Variants in TOR4A observed in about 807,000 individuals in gnomAD.
TOR4A encodes torsin family 4 member A.
Under a neutral mutation model 11.5 loss-of-function variants are expected in TOR4A, and 12 were observed. That is an observed-to-expected ratio of 1.04 (90% CI 0.67 to 1.69). The LOEUF (loss-of-function observed/expected upper bound fraction) is 1.69. Among genes scored for constraint, TOR4A ranks in the 40% most tolerant of loss-of-function variants. TOR4A has a pLI of 0.00. For synonymous variants in TOR4A, 362 were observed against 307.4 expected (o/e 1.18, Z -1.86); for missense variants, 640 against 643.2 (o/e 0.99, Z 0.05).
rs969271496 is a variant in TOR4A at position 137,280,313 on chromosome 9, C to A, written c.*352C>A. The A allele has an allele frequency of 6.0e-6, 2 of 330,700 alleles. No individual in the cohort carries two copies. The highest frequency in any genetic ancestry group is 1.2e-5 in the Non-Finnish European group (2 of 170,740). 20.5% of individuals were successfully genotyped at this position (330,700 alleles called of 1,614,324 possible). A position where few individuals can be genotyped will look rare whatever the true frequency, so the allele number is the denominator to read the frequency against. Reference sequence around the variant, plus strand: ...CCGGGGTCACACAGCTGGGACGTGACCCCGCCTCTTGGGGGTGGTCGCGTG... The same window carrying A: ...CCGGGGTCACACAGCTGGGACGTGAACCCGCCTCTTGGGGGTGGTCGCGTG... On this transcript the variant is annotated 3_prime_UTR_variant, in exon 2 of 2. Coordinates refer to ENST00000357503, the MANE Select transcript of TOR4A (RefSeq NM_017723.3).
chr9:137,279,089 GT>G lies in TOR4A; in HGVS notation c.402del (p.Leu135SerfsTer40). On this transcript the variant is annotated frameshift_variant, in exon 2 of 2. Transcript: ENST00000357503. LOFTEE classifies it high-confidence loss of function. Reference sequence around the variant, plus strand: ...GCTAGTCGCCATCGTGGGCTTCCAAGTTCTCAACGCTATCGAGAACCTGGAC... The same window carrying G: ...GCTAGTCGCCATCGTGGGCTTCCAAGTCTCAACGCTATCGAGAACCTGGAC... ...LLLVAIVGFQ[V>X]LNAIENLDDN... 1.9e-6 allele frequency: 3 copies of G among 1,602,748 alleles called. No individual in the cohort carries two copies. The highest frequency in any genetic ancestry group is 2.6e-6 in the Non-Finnish European group (3 of 1,175,094).
Position 137,278,985 on chromosome 9 carries a change from T to A in TOR4A, c.296T>A (p.Leu99Gln), listed in dbSNP as rs1193474299. Reference protein sequence around the residue: ...TPRKKRRRSRLVLYPETSRKY... With the variant: ...TPRKKRRRSRQVLYPETSRKY... ...CGCAAGAAGCGCCGGCGCAGCCGCC[T>A]GGTGCTTTACCCGGAGACCTCGCGC... Residue 99 changes from leucine (L) to glutamine (Q), a missense_variant, in exon 2 of 2, where the codon CTG (leucine) becomes CAG (glutamine). Transcript: ENST00000357503. 1 of 1,606,796 alleles carries A rather than the reference T, an allele frequency of 6.2e-7. No individual in the cohort carries two copies. Among genetic ancestry groups the A allele is most frequent in the East Asian group, 2.2e-5 (1 of 44,572 alleles).
rs1473381141 is a variant in TOR4A at position 137,279,082 on chromosome 9, C to A, written c.393C>A (p.Gly131=). Residue 131 remains glycine, a synonymous_variant, in exon 2 of 2, where the codon GGC becomes GGA. Transcript: ENST00000357503. ...RCLLLLVAIV[G]FQVLNAIENL... is the part of the protein sequence containing the mutation. The stretch of plus-strand genomic sequence containing the variant: ...TTCTGCTGCTAGTCGCCATCGTGGG[C>A]TTCCAAGTTCTCAACGCTATCGAGA... The A allele has an allele frequency of 6.2e-7, 1 of 1,603,126 alleles. No homozygotes were observed. The highest frequency in any genetic ancestry group is 1.7e-4 in the Middle Eastern group (1 of 6,046).
chr9:137,278,446 TGCGGAGGG>T lies in TOR4A; in HGVS notation c.-37-181_-37-174del, dbSNP rs540538531. On this transcript the variant is annotated intron_variant, in intron 1 of 1. Transcript: ENST00000357503. Reference sequence around the variant, plus strand: ...ACCCGAGAGATTTGCATCGGGGCCCTGCGGAGGGGCGGAGGGGCGGAGGGGCGGAGGGG... The same window carrying T: ...ACCCGAGAGATTTGCATCGGGGCCCTGCGGAGGGGCGGAGGGGCGGAGGGG... Among the ~76,000 whole-genome samples, 960 of 147,166 alleles carry T rather than the reference TGCGGAGGG, an allele frequency of 6.5e-3. 13 individuals carry two copies. The highest frequency in any genetic ancestry group is 0.045 in the East Asian group (225 of 4,988).
Position 137,278,711 on chromosome 9 carries a change from C to G in TOR4A, c.22C>G (p.Leu8Val). Residue 8 changes from leucine to valine, a missense_variant, in exon 2 of 2, where the codon CTG becomes GTG. Coordinates refer to ENST00000357503, the MANE Select transcript of TOR4A (RefSeq NM_017723.3). Reference sequence around the variant, plus strand: ...CGACATGGACCGCGGCCAGCCCAGCCTGGAGCCTGCTGCCGCGGCCCCCCG... The same window carrying G: ...CGACATGGACCGCGGCCAGCCCAGCGTGGAGCCTGCTGCCGCGGCCCCCCG... MDRGQPS[L>V]EPAAAAPRAS... 1 of 1,375,440 alleles carries G rather than the reference C, an allele frequency of 7.3e-7. No individual in the cohort carries two copies. The highest frequency in any genetic ancestry group is 9.3e-7 in the Non-Finnish European group (1 of 1,071,560). 85.2% of individuals were successfully genotyped at this position (1,375,440 alleles called of 1,614,324 possible).
Position 137,278,834 on chromosome 9 carries a change from G to T in TOR4A, c.145G>T (p.Gly49Trp), listed in dbSNP as rs763469220. ...CAAACGGCGCCTCCTGCAGCCGGGT[G>T]GGGGGCCCGACGTCGGGACCGGGGC... The part of the protein sequence containing the change: ...LRKRRLLQPG[G>W]GPDVGTGAPR... The change falls in exon 2 of 2, where the codon GGG (glycine) becomes TGG (tryptophan). Residue 49 changes from glycine to tryptophan, a missense_variant. Transcript: ENST00000357503. The T allele has an allele frequency of 1.3e-6, 2 of 1,496,024 alleles. No homozygotes were observed. Among genetic ancestry groups the T allele is most frequent in the Non-Finnish European group, 1.8e-6 (2 of 1,132,026 alleles). 92.7% of individuals were successfully genotyped at this position (1,496,024 alleles called of 1,614,324 possible). A position where few individuals can be genotyped will look rare whatever the true frequency, so the allele number is the denominator to read the frequency against.
rs1306069940 is a variant in TOR4A at position 137,279,730 on chromosome 9, G to A, written c.1041G>A (p.Val347=). 6.3e-7 allele frequency: 1 copy of A among 1,576,586 alleles called. No individual in the cohort carries two copies. The highest frequency in any genetic ancestry group is 8.6e-7 in the Non-Finnish European group (1 of 1,168,230). The change falls in exon 2 of 2, where the codon GTG becomes GTA. Residue 347 remains valine (V), a synonymous_variant. Coordinates refer to ENST00000357503, the MANE Select transcript of TOR4A (RefSeq NM_017723.3). ...ACCTGCGCGCCAGCCTGCTGGCTGT[G>A]CTGTCCCGGGAGCATCCGCTGTGGC... is the stretch of plus-strand genomic sequence containing the variant. The part of the protein sequence containing the change: ...EEDLRASLLA[V]LSREHPLWQA...
chr9:137,278,694 A>G lies in TOR4A; in HGVS notation c.5A>G (p.Asp2Gly). Reference protein sequence around the residue: MDRGQPSLEPAA... With the variant: MGRGQPSLEPAA... ...GCGGAGCGCCGTTCCTGCGACATGG[A>G]CCGCGGCCAGCCCAGCCTGGAGCCT... Residue 2 changes from aspartate to glycine, a missense_variant, in exon 2 of 2, where the codon GAC becomes GGC. Transcript: ENST00000357503. 1 of 1,344,122 alleles carries G rather than the reference A, an allele frequency of 7.4e-7. No homozygotes were observed. The highest frequency in any genetic ancestry group is 9.5e-7 in the Non-Finnish European group (1 of 1,052,028). The allele number at this position is 1,344,122 out of a possible 1,614,324, so 83.3% of individuals were successfully genotyped here. A position where few individuals can be genotyped will look rare whatever the true frequency, so the allele number is the denominator to read the frequency against.
chr9:137,278,771 G>A lies in TOR4A; in HGVS notation c.82G>A (p.Ala28Thr). 3 of 1,437,134 alleles carry A rather than the reference G, an allele frequency of 2.1e-6. No individual in the cohort carries two copies. Among genetic ancestry groups the A allele is most frequent in the Non-Finnish European group, 1.8e-6 (2 of 1,106,724 alleles). 89.0% of individuals were successfully genotyped at this position (1,437,134 alleles called of 1,614,324 possible). The change falls in exon 2 of 2, where the codon GCT becomes ACT. Residue 28 changes from alanine (A) to threonine (T), a missense_variant. Physicochemically the swap from Ala to Thr is moderately conservative, Grantham distance 58. Coordinates refer to ENST00000357503, the MANE Select transcript of TOR4A (RefSeq NM_017723.3). ...CCGGTGCGTGATCGCGCCCGTGCGC[G>A]CTGTGCTCCGCCTGCGCCGCCGGGT... Reference protein sequence around the residue: ...SGRCVIAPVRAVLRLRRRVCV... With the variant: ...SGRCVIAPVRTVLRLRRRVCV...
At position 137,278,899 on chromosome 9, in the gene TOR4A, C is replaced by A; in HGVS notation, c.210C>A (p.Asp70Glu). Reference sequence around the variant, plus strand: ...GCAGCCCCCGGGCACCGCGCGCGGACCTGGACCAGCCAAAGTTCTTCACCT... The same window carrying A: ...GCAGCCCCCGGGCACCGCGCGCGGAACTGGACCAGCCAAAGTTCTTCACCT... Reference protein sequence around the residue: ...PGCSPRAPRADLDQPKFFTFD... With the variant: ...PGCSPRAPRAELDQPKFFTFD... Residue 70 changes from aspartate (D) to glutamate (E), a missense_variant, in exon 2 of 2, where the codon GAC becomes GAA. Physicochemically the swap from Asp to Glu is conservative, Grantham distance 45 (BLOSUM62 2). Transcript: ENST00000357503. 3.8e-6 allele frequency: 6 copies of A among 1,572,188 alleles called. No individual in the cohort carries two copies. The South Asian group carries it at 5.7e-5, about 15-fold the overall frequency.
At chr9:137,278,326 T>TGACTACTTCGAC (rs1308997555) in intron 1 of TOR4A, among the ~76,000 whole-genome samples, 3 of 152,148 alleles carry the variant, frequency 2.0e-5, no homozygotes, top group African/African-American at 7.2e-5. Context: ...GGGCGGCCAC[T>TGACTACTTCGAC]GACTCCTTCG....
rs1309542438 is a variant in TOR4A, at chr9:137,281,281, G to C, written c.*1320G>C. On this transcript the variant is annotated 3_prime_UTR_variant, in exon 2 of 2. Coordinates refer to ENST00000357503, the MANE Select transcript of TOR4A (RefSeq NM_017723.3). ...GCACCGCGAAGGTGGAGGCGGGGCC[G>C]CGCCGGAAGCCCCGAGTCGAGCGCA... The C allele has an allele frequency of 6.1e-6, 1 of 162,754 alleles. No individual in the cohort carries two copies. Among genetic ancestry groups the C allele is most frequent in the African/African-American group, 2.4e-5 (1 of 41,446 alleles). The allele number at this position is 162,754 out of a possible 1,614,324, so 10.1% of individuals were successfully genotyped here.
rs1830676610 is a variant in TOR4A at position 137,278,787 on chromosome 9, G to A, written c.98G>A (p.Arg33His). The A allele has an allele frequency of 1.4e-6, 2 of 1,448,076 alleles. No individual in the cohort carries two copies. The highest frequency in any genetic ancestry group is 2.9e-5 in the Admixed American group (1 of 34,114). The allele number at this position is 1,448,076 out of a possible 1,614,324, so 89.7% of individuals were successfully genotyped here. ...IAPVRAVLRL[R>H]RRVCVLRKRR... ...CCCGTGCGCGCTGTGCTCCGCCTGC[G>A]CCGCCGGGTGTGTGTCCTACGCAAA... Residue 33 changes from arginine (R) to histidine (H), a missense_variant, in exon 2 of 2, where the codon CGC becomes CAC. Transcript: ENST00000357503.
intron 1 of TOR4A, 54 bp downstream of exon 1, chr9:137,277,961 T>G (rs1329262540): frequency 1.3e-5 from 2 of 153,110 alleles, no homozygotes; most frequent in African/African-American, 4.8e-5. Context: ...GTGGCTCTCT[T>G]GCTCCGACCG....
rs1193238564 is a variant in TOR4A, at chr9:137,278,768, C to G, written c.79C>G (p.Arg27Gly). The G allele has an allele frequency of 1.4e-6, 2 of 1,430,698 alleles. No individual in the cohort carries two copies. The highest frequency in any genetic ancestry group is 9.1e-7 in the Non-Finnish European group (1 of 1,103,372). The allele number at this position is 1,430,698 out of a possible 1,614,324, so 88.6% of individuals were successfully genotyped here. Residue 27 changes from arginine (R) to glycine (G), a missense_variant, in exon 2 of 2, where the codon CGC becomes GGC. Arg to Gly is a moderately radical substitution (Grantham distance 125). Transcript: ENST00000357503. Reference protein sequence around the residue: ...ASGRCVIAPVRAVLRLRRRVC... With the variant: ...ASGRCVIAPVGAVLRLRRRVC... ...GGGCCGGTGCGTGATCGCGCCCGTG[C>G]GCGCTGTGCTCCGCCTGCGCCGCCG...
chr9:137,279,955 C>A lies in TOR4A; in HGVS notation c.1266C>A (p.Leu422=), dbSNP rs546270195. The A allele has an allele frequency of 1.3e-6, 2 of 1,575,392 alleles. No homozygotes were observed. Among genetic ancestry groups the A allele is most frequent in the Non-Finnish European group, 1.7e-6 (2 of 1,159,816 alleles). The change falls in exon 2 of 2, where the codon CTC becomes CTA. Residue 422 remains leucine, a synonymous_variant. Transcript: ENST00000357503. ...GCKQVVATVN[L]L ...AGCAGGTGGTGGCCACGGTGAACCT[C>A]CTGTAGTGGAGGCGCAGGACGGGAC... is the stretch of plus-strand genomic sequence containing the variant.
In TOR4A at chr9:137,279,396, C is replaced by A. The variant is rs1830687563; in HGVS notation, c.707C>A (p.Ala236Glu). ...ARHHCPEARA[A>E]QDCREELARR... ...CACCACTGCCCCGAGGCGCGCGCCG[C>A]ACAGGACTGCCGCGAGGAGCTGGCG... Residue 236 changes from alanine to glutamate, a missense_variant, in exon 2 of 2, where the codon GCA (alanine) becomes GAA (glutamate). Transcript: ENST00000357503. 1.5e-5 allele frequency: 23 copies of A among 1,530,636 alleles called. No homozygotes were observed. The highest frequency in any genetic ancestry group is 2.0e-5 in the Non-Finnish European group (23 of 1,140,580). 94.8% of individuals were successfully genotyped at this position (1,530,636 alleles called of 1,614,324 possible).
In TOR4A at chr9:137,279,863, G is replaced by T. The variant is rs753551148; in HGVS notation, c.1174G>T (p.Glu392Ter). 6.3e-7 allele frequency: 1 copy of T among 1,587,976 alleles called. No homozygotes were observed. Among genetic ancestry groups the T allele is most frequent in the Non-Finnish European group, 8.5e-7 (1 of 1,170,714 alleles). ...CTTCTTTCCTGACCAGGCCCGCGCGGAGAACCTGGCCGCGCAGCTCAGCTT... is the reference window on the plus strand; with the variant it reads ...CTTCTTTCCTGACCAGGCCCGCGCGTAGAACCTGGCCGCGCAGCTCAGCTT... ...EGFFPDQARA[E>*]NLAAQLSFYR... Residue 392 changes from glutamate (E) to a stop codon, truncating the protein, a stop_gained, in exon 2 of 2, where the codon GAG (glutamate) becomes TAG (stop). Coordinates refer to ENST00000357503, the MANE Select transcript of TOR4A (RefSeq NM_017723.3). LOFTEE classifies it high-confidence loss of function.
At position 137,279,880 on chromosome 9, in the gene TOR4A, G is replaced by C; in HGVS notation, c.1191G>C (p.Gln397His). The change falls in exon 2 of 2, where the codon CAG becomes CAC. Residue 397 changes from glutamine to histidine, a missense_variant. By Grantham distance (24) the Gln-to-His change is conservative. Transcript: ENST00000357503. Reference protein sequence around the residue: ...DQARAENLAAQLSFYRVAGRE... With the variant: ...DQARAENLAAHLSFYRVAGRE... ...CCCGCGCGGAGAACCTGGCCGCGCA[G>C]CTCAGCTTCTACCGCGTGGCTGGCC... The C allele has an allele frequency of 6.3e-7, 1 of 1,582,816 alleles. No individual in the cohort carries two copies. The highest frequency in any genetic ancestry group is 1.7e-4 in the Middle Eastern group (1 of 6,040).
Sources: allele counts gnomAD v4.1 joint callset (sites outside exome capture counted in the v4.1 genomes callset), GRCh38; gene constraint gnomAD v4.1.1; transcripts MANE v1.5; gene names NCBI Gene and HGNC (gene_info 2026-07-23, HGNC 2026-07-21).